Variants in ZNF385B observed in about 807,000 individuals in gnomAD.
The protein encoded by ZNF385B is zinc finger protein 533.
In ZNF385B, 23 loss-of-function variants were observed where a neutral mutation model predicts 39.2. The observed-to-expected ratio is 0.59, with a 90% CI of 0.42 to 0.83. The LOEUF is 0.83. Among genes scored for constraint, ZNF385B ranks in the 40% least tolerant of loss-of-function variants. The pLI, the probability that ZNF385B is intolerant of heterozygous loss-of-function variation, is 0.00. For missense variants in ZNF385B, 552 were observed against 598.9 expected, an observed-to-expected ratio of 0.92 and a Z score of 0.82; for synonymous variants, 205 against 222.6, an observed-to-expected ratio of 0.92 and a Z score of 0.70.
intron 3 of ZNF385B, among the ~76,000 whole-genome samples, chr2:179,729,589 T>C (rs996649086): frequency 3.3e-5 from 5 of 152,236 alleles, no homozygotes; most frequent in African/African-American, 1.2e-4. Flanking sequence ...AGTACTCATC[T>C]TCACCAATTT....
intron 1 of ZNF385B, among the ~76,000 whole-genome samples, chr2:179,837,621 C>A (rs74844784): frequency 6.6e-6 from 1 of 152,168 alleles, no homozygotes; most frequent in African/African-American, 2.4e-5. Flanking sequence ...TTTCCCTCCT[C>A]CAAATATACT....
chr2:179,706,598 T>C (rs546265304), intron 3 of ZNF385B, among the ~76,000 whole-genome samples: 1 of 152,294 alleles, frequency 6.6e-6, no homozygotes, highest in South Asian at 2.1e-4. Context: ...CTGTCCTTGA[T>C]GGTTGGTTCC....
intron 6 of ZNF385B, among the ~76,000 whole-genome samples, chr2:179,453,826 G>GT (rs1441588324): frequency 6.6e-6 from 1 of 152,164 alleles, no homozygotes; most frequent in Non-Finnish European, 1.5e-5. Context: ...AGGAAGGGTT[G>GT]TAAGAGGTCA....
intron 3 of ZNF385B, among the ~76,000 whole-genome samples, chr2:179,561,762 T>A (rs2061351598): frequency 1.3e-5 from 2 of 152,128 alleles, no homozygotes; most frequent in African/African-American, 4.8e-5. Flanking sequence ...CAGACAATAC[T>A]CCCTCTTGAG....
At chr2:179,694,956 AGAGGAGGAGGAG>A (rs71994313) in intron 3 of ZNF385B, among the ~76,000 whole-genome samples, 121 of 148,698 alleles carry the variant, frequency 8.1e-4, no homozygotes, top group African/African-American at 2.7e-3. Context: ...AAAAGAAAGA[AGAGGAGGAGGAG>A]GAGGAGGAGG....
intron 4 of ZNF385B, among the ~76,000 whole-genome samples, chr2:179,529,777 C>G (rs758848565): frequency 6.6e-6 from 1 of 152,076 alleles, no homozygotes; most frequent in East Asian, 1.9e-4. Flanking sequence ...TAAACAGCAA[C>G]AACGAATAGC....
At chr2:179,778,048 T>A (rs181765532) in intron 1 of ZNF385B, among the ~76,000 whole-genome samples, 130 of 152,298 alleles carry the variant, frequency 8.5e-4, no homozygotes, top group African/African-American at 2.9e-3. Flanking sequence ...AGGTTTTTTT[T>A]AATCATAGAA....
At chr2:179,464,907 A>G (rs1463807869) in intron 6 of ZNF385B, among the ~76,000 whole-genome samples, 2 of 152,002 alleles carry the variant, frequency 1.3e-5, no homozygotes, top group Non-Finnish European at 2.9e-5. Flanking sequence ...TCTGTCTACA[A>G]ATGCTGAAAT....
chr2:179,763,580 G>A (rs1400414631), intron 3 of ZNF385B, among the ~76,000 whole-genome samples: 2 of 151,904 alleles, frequency 1.3e-5, no homozygotes, highest in Non-Finnish European at 2.9e-5. Flanking sequence ...TAGCTTCTTG[G>A]TCGGGAACTT....
At chr2:179,463,855 T>C (rs960420511) in intron 6 of ZNF385B, among the ~76,000 whole-genome samples, 1 of 152,326 alleles carries the variant, frequency 6.6e-6, no homozygotes, top group East Asian at 1.9e-4. Context: ...TATAATCCTT[T>C]GGGTATATAC....
intron 3 of ZNF385B, among the ~76,000 whole-genome samples, chr2:179,670,901 T>A (rs1309994728): frequency 6.6e-6 from 1 of 152,224 alleles, no homozygotes; most frequent in African/African-American, 2.4e-5. Flanking sequence ...TCAGAATAAC[T>A]GGACTTAGTT....
chr2:179,509,937 A>G (rs906782732), intron 5 of ZNF385B, among the ~76,000 whole-genome samples: 2 of 152,144 alleles, frequency 1.3e-5, no homozygotes, highest in Non-Finnish European at 2.9e-5. Context: ...AAATCCCCTT[A>G]TCATAAGGTC....
chr2:179,691,609 G>A lies in ZNF385B; in HGVS notation c.298+77894C>T, dbSNP rs192525851. On this transcript the variant is annotated intron_variant, in intron 3 of 9. Coordinates refer to ENST00000410066, the MANE Select transcript of ZNF385B (RefSeq NM_152520.6). ...GCTCAAGAAATTTATTTTCCTCATC[G>A]CATATCTCTACTTACTAAAAAGTAC... Among the ~76,000 whole-genome samples, 17 of 152,172 alleles carry A rather than the reference G, an allele frequency of 1.1e-4. No homozygotes were observed. The East Asian group carries it at 2.1e-3, about 19-fold the overall frequency.
At chr2:179,705,067 T>G (rs1699488037) in intron 3 of ZNF385B, among the ~76,000 whole-genome samples, 1 of 148,282 alleles carries the variant, frequency 6.7e-6, no homozygotes, top group African/African-American at 2.6e-5. Context: ...ATAAATCTAT[T>G]TTTTTTTGTT....
intron 3 of ZNF385B, among the ~76,000 whole-genome samples, chr2:179,644,634 T>C (rs114439083): frequency 0.013 from 2,007 of 152,330 alleles, 24 homozygotes; most frequent in Non-Finnish European, 0.017. Flanking sequence ...TTTCCAAAGA[T>C]AATTTTGGCA....
intron 3 of ZNF385B, among the ~76,000 whole-genome samples, chr2:179,719,029 G>A (rs1445429628): frequency 6.6e-6 from 1 of 151,522 alleles, no homozygotes; most frequent in East Asian, 1.9e-4. Flanking sequence ...CTCCTCACAA[G>A]CCAGCTTATC....
intron 3 of ZNF385B, among the ~76,000 whole-genome samples, chr2:179,608,141 T>C (rs1278091099): frequency 6.6e-6 from 1 of 152,082 alleles, no homozygotes. Context: ...CTTGAACTCC[T>C]GACCTCAGCT....
At position 179,730,440 on chromosome 2, in the gene ZNF385B, C is replaced by T. The variant is rs145017590; in HGVS notation, c.298+39063G>A. 4.1e-3 allele frequency among the ~76,000 whole-genome samples: 620 copies of T among 152,288 alleles called. 8 individuals carry two copies. Among genetic ancestry groups the T allele is most frequent in the African/African-American group, 0.014 (589 of 41,564 alleles). Reference sequence around the variant, plus strand: ...CTTCTTACGTTCTATCTCCTGTCCCCGTTTCTTCATTACTTTCTATTAGCA... The same window carrying T: ...CTTCTTACGTTCTATCTCCTGTCCCTGTTTCTTCATTACTTTCTATTAGCA... On this transcript the variant is annotated intron_variant, in intron 3 of 9. Transcript: ENST00000410066.
chr2:179,629,134 G>C lies in ZNF385B; in HGVS notation c.299-84165C>G, dbSNP rs114356130. ...AGGCTCTTATAAATTTCCAGACCCA[G>C]TCCTAGAAATAGACATTTTTAGGAG... On this transcript the variant is annotated intron_variant, in intron 3 of 9. Transcript: ENST00000410066. Among the ~76,000 whole-genome samples, 1,435 of 152,198 alleles carry C rather than the reference G, an allele frequency of 9.4e-3. 27 individuals carry two copies. The highest frequency in any genetic ancestry group is 0.032 in the African/African-American group (1,341 of 41,524).
Sources: gnomAD v4.1 joint callset for allele counts (sites outside exome capture counted in the v4.1 genomes callset) on GRCh38, gnomAD v4.1.1 for gene constraint, MANE v1.5 for transcripts, NCBI Gene and HGNC (gene_info 2026-07-23, HGNC 2026-07-21) for gene names.